TMTC1: variants seen among roughly 807,000 people sequenced by gnomAD.
The protein encoded by TMTC1 is transmembrane O-mannosyltransferase targeting cadherins 1.
TMTC1 carries 73 observed loss-of-function variants against 104.8 expected under a neutral mutation model. The ratio of observed to expected loss-of-function variants is 0.70; its 90% CI spans 0.58 to 0.85. TMTC1 has a LOEUF of 0.85. Among genes scored for constraint, TMTC1 ranks in the 40% least tolerant of loss-of-function variants. The pLI is 0.00. For synonymous variants in TMTC1, 434 were observed against 428.7 expected, an observed-to-expected ratio of 1.01 and a Z score of -0.15; for missense variants, 1,035 against 1,096.1, an observed-to-expected ratio of 0.94 and a Z score of 0.79.
At chr12:29,657,646 C>T (rs981068650) in intron 5 of TMTC1, among the ~76,000 whole-genome samples, 9 of 151,540 alleles carry the variant, frequency 5.9e-5, no homozygotes, top group Non-Finnish European at 1.2e-4. Context: ...ATGTGATAAT[C>T]GAATTGGAAT....
At chr12:29,715,119 A>G (rs1444278610) in intron 5 of TMTC1, among the ~76,000 whole-genome samples, 1 of 152,220 alleles carries the variant, frequency 6.6e-6, no homozygotes, top group Admixed American at 6.5e-5. Context: ...GACTACATAT[A>G]CTGGAGAAAA....
intron 9 of TMTC1, among the ~76,000 whole-genome samples, chr12:29,564,618 T>A (rs1945459605): frequency 6.6e-6 from 1 of 152,136 alleles, no homozygotes; most frequent in South Asian, 2.1e-4. Flanking sequence ...GGGAGAGCAG[T>A]TTCACATGTG....
rs1943894042 is a variant in TMTC1, at chr12:29,783,716, C to T, written c.36G>A (p.Gly12=). The part of the protein sequence containing the change: ...VVTTSARGGG[G]DRTPSRRRGC... ...CCCGCCGCCGGGAGGGTGTGCGGTCCCCGCCGCCGCCTCGGGCAGAGGTGG... is the reference window on the plus strand; with the variant it reads ...CCCGCCGCCGGGAGGGTGTGCGGTCTCCGCCGCCGCCTCGGGCAGAGGTGG... The change falls in exon 1 of 18, where the codon GGG becomes GGA. Residue 12 remains glycine, a synonymous_variant. Transcript: ENST00000539277. The surrounding 1 kb of genome is among the most constrained non-coding windows in gnomAD (Gnocchi z 4.7). 8.2e-7 allele frequency: 1 copy of T among 1,220,248 alleles called. No homozygotes were observed. The highest frequency in any genetic ancestry group is 1.0e-6 in the Non-Finnish European group (1 of 985,870). 75.6% of individuals were successfully genotyped at this position (1,220,248 alleles called of 1,614,324 possible).
chr12:29,647,317 G>A (rs1939311057), intron 5 of TMTC1, among the ~76,000 whole-genome samples: 1 of 152,086 alleles, frequency 6.6e-6, no homozygotes, highest in Non-Finnish European at 1.5e-5. Flanking sequence ...ACTATGCCCT[G>A]CCCCAAAAAA....
intron 9 of TMTC1, among the ~76,000 whole-genome samples, chr12:29,569,940 A>C (rs1303655888): frequency 6.6e-6 from 1 of 152,196 alleles, no homozygotes; most frequent in African/African-American, 2.4e-5. Flanking sequence ...GGAAGTACCC[A>C]ACCAGCTACT....
chr12:29,512,067 G>A lies in TMTC1; in HGVS notation c.2484C>T (p.Asn828=). ...LNPDQAQAWM[N]MGGIQHIKGK... ...CCTTGATGTGTTGGATGCCACCCAT[G>A]TTCATCCAGGCCTGTGCTTGGTCTG... Residue 828 remains asparagine (N), a synonymous_variant, in exon 17 of 18, where the codon AAC becomes AAT. Transcript: ENST00000539277. 2 of 1,614,036 alleles carry A rather than the reference G, an allele frequency of 1.2e-6. No homozygotes were observed. Among genetic ancestry groups the A allele is most frequent in the Non-Finnish European group, 1.7e-6 (2 of 1,179,932 alleles).
chr12:29,758,616 A>G, intron 3 of TMTC1, 88 bp downstream of exon 3: 1 of 1,281,072 alleles, frequency 7.8e-7, no homozygotes, highest in Admixed American at 1.9e-5. Flanking sequence ...TCACAACCAG[A>G]AGCTTCTCTC....
At position 29,536,240 on chromosome 12, in the gene TMTC1, T is replaced by C. The variant is rs1311981056; in HGVS notation, c.1754A>G (p.Tyr585Cys). 1.2e-6 allele frequency: 2 copies of C among 1,612,928 alleles called. No individual in the cohort carries two copies. Among genetic ancestry groups the C allele is most frequent in the South Asian group, 1.1e-5 (1 of 90,872 alleles). Residue 585 changes from tyrosine to cysteine, a missense_variant, in exon 11 of 18, where the codon TAT becomes TGT. Transcript: ENST00000539277. ...AGCCAATAACGAAGCTAAGCTTGAA[T>C]ATGCATCTGCAAACTCTGGACCATA... ...IKYGPEFADAYSSLASLLAEQ... is the reference protein window; with the variant it reads ...IKYGPEFADACSSLASLLAEQ...
At chr12:29,710,672 T>G (rs904471656) in intron 5 of TMTC1, among the ~76,000 whole-genome samples, 1 of 141,404 alleles carries the variant, frequency 7.1e-6, no homozygotes, top group Non-Finnish European at 1.5e-5. Context: ...TATTTTTATA[T>G]TTATATATTT....
At chr12:29,540,950 A>C (rs1258034257) in intron 10 of TMTC1, among the ~76,000 whole-genome samples, 1 of 151,952 alleles carries the variant, frequency 6.6e-6, no homozygotes, top group Non-Finnish European at 1.5e-5. Flanking sequence ...AGCCGAGATC[A>C]CGCCACTGCA....
chr12:29,635,708 G>C (rs1938516540), intron 5 of TMTC1, among the ~76,000 whole-genome samples: 3 of 152,142 alleles, frequency 2.0e-5, no homozygotes. Flanking sequence ...AACTAATCAA[G>C]TCCTAAATCT....
chr12:29,675,467 G>C (rs532183566), intron 5 of TMTC1, among the ~76,000 whole-genome samples: 1 of 152,198 alleles, frequency 6.6e-6, no homozygotes, highest in Admixed American at 6.5e-5. Flanking sequence ...GGAAAAACCT[G>C]GTCACCCTGT....
At chr12:29,748,663 G>C (rs1348685825) in intron 5 of TMTC1, among the ~76,000 whole-genome samples, 1 of 152,132 alleles carries the variant, frequency 6.6e-6, no homozygotes, top group Non-Finnish European at 1.5e-5. Context: ...AATAACACAT[G>C]GGACATGCTA....
chr12:29,677,814 T>C (rs1005811229), intron 5 of TMTC1, among the ~76,000 whole-genome samples: 2 of 152,234 alleles, frequency 1.3e-5, no homozygotes, highest in Non-Finnish European at 2.9e-5. Flanking sequence ...AACCCTTATT[T>C]TACTTAATAA....
At position 29,723,838 on chromosome 12, in the gene TMTC1, A is replaced by G. The variant is rs1942305659; in HGVS notation, c.938+27828T>C. 2.0e-5 allele frequency among the ~76,000 whole-genome samples: 3 copies of G among 152,204 alleles called. No individual in the cohort carries two copies. In the South Asian group the frequency reaches 6.2e-4, roughly 31 times the overall value. On this transcript the variant is annotated intron_variant, in intron 5 of 17. Coordinates refer to ENST00000539277, the MANE Select transcript of TMTC1 (RefSeq NM_001193451.2). The stretch of plus-strand genomic sequence containing the variant: ...TAAAGAACTGGAGCTTCAGTGAATC[A>G]TACTGAGACATTTGGTTATTCATAT...
At chr12:29,577,046 G>A (rs1945843587) in intron 8 of TMTC1, among the ~76,000 whole-genome samples, 1 of 152,142 alleles carries the variant, frequency 6.6e-6, no homozygotes, top group Non-Finnish European at 1.5e-5. Context: ...TGGCTGCATG[G>A]AGAATACCTA....
At chr12:29,670,135 TAAGAAA>T (rs1190182156) in intron 5 of TMTC1, among the ~76,000 whole-genome samples, 1 of 152,236 alleles carries the variant, frequency 6.6e-6, no homozygotes, top group Non-Finnish European at 1.5e-5. Context: ...ACGTTTGCAC[TAAGAAA>T]AAGATTAAAA....
chr12:29,732,089 T>C (rs1388405380), intron 5 of TMTC1, among the ~76,000 whole-genome samples: 22 of 152,200 alleles, frequency 1.4e-4, no homozygotes, highest in Admixed American at 1.4e-3. Flanking sequence ...TAAAAGACCC[T>C]AGAAAGACTT....
intron 5 of TMTC1, among the ~76,000 whole-genome samples, chr12:29,741,845 G>C (rs1220446776): frequency 8.5e-5 from 13 of 152,116 alleles, no homozygotes; most frequent in Admixed American, 7.2e-4. Flanking sequence ...CGACTTATCT[G>C]AATGGTTTAC....
Sources: allele counts gnomAD v4.1 joint callset (sites outside exome capture counted in the v4.1 genomes callset), GRCh38; gene constraint gnomAD v4.1.1; non-coding constraint Gnocchi (gnomAD v3.1); transcripts MANE v1.5; gene names NCBI Gene and HGNC (gene_info 2026-07-23, HGNC 2026-07-21).